The following PRUNE2 variants were observed in gnomAD, a reference collection of about 807,000 sequenced individuals.
The protein encoded by PRUNE2 is protein prune homolog 2.
A neutral mutation model predicts 252.0 loss-of-function variants in PRUNE2; 164 were observed. The ratio of observed to expected loss-of-function variants is 0.65; its 90% confidence interval spans 0.57 to 0.74. The LOEUF is 0.74. Among genes scored for constraint, PRUNE2 ranks in the 30% least tolerant of loss-of-function variants. The pLI is 0.00. For missense variants in PRUNE2, 3,495 were observed against 3,711.0 expected (o/e 0.94, Z 1.51); for synonymous variants, 1,292 against 1,350.2 (o/e 0.96, Z 0.94).
chr9:76,793,342 A>G (rs1456970092), intron 6 of PRUNE2, among the ~76,000 whole-genome samples: 1 of 152,264 alleles, frequency 6.6e-6, no homozygotes, highest in Non-Finnish European at 1.5e-5. Context: ...TTTACAAGCA[A>G]AAGTTGTAAA....
intron 6 of PRUNE2, among the ~76,000 whole-genome samples, chr9:76,790,260 A>G (rs533512887): frequency 1.3e-5 from 2 of 152,214 alleles, no homozygotes; most frequent in African/African-American, 2.4e-5. Context: ...TTGTGTCCCA[A>G]CAATTCCCAT....
At chr9:76,730,797 G>A (rs1259945985) in intron 6 of PRUNE2, among the ~76,000 whole-genome samples, 1 of 152,162 alleles carries the variant, frequency 6.6e-6, no homozygotes, top group African/African-American at 2.4e-5. Context: ...CAGCTATTCG[G>A]GAGGCTGAGG....
At chr9:76,694,746 T>C (rs2045214474) in intron 9 of PRUNE2, among the ~76,000 whole-genome samples, 1 of 138,280 alleles carries the variant, frequency 7.2e-6, no homozygotes. Context: ...TTATTCATTA[T>C]ACAAAGGCAG....
intron 6 of PRUNE2, among the ~76,000 whole-genome samples, chr9:76,718,767 T>C (rs1427904886): frequency 6.6e-6 from 1 of 152,092 alleles, no homozygotes; most frequent in African/African-American, 2.4e-5. Context: ...TACATGCACA[T>C]GAGATCTGCA....
intron 3 of PRUNE2, among the ~76,000 whole-genome samples, chr9:76,848,185 A>G (rs950010505): frequency 1.2e-4 from 19 of 152,160 alleles, no homozygotes; most frequent in Admixed American, 9.8e-4. Flanking sequence ...AATCGCCTGA[A>G]CCTCGGAGAT....
intron 12 of PRUNE2, among the ~76,000 whole-genome samples, chr9:76,639,420 G>A (rs938807305): frequency 6.6e-6 from 1 of 152,190 alleles, no homozygotes; most frequent in African/African-American, 2.4e-5. Flanking sequence ...AAGCCTGCGA[G>A]GCAGAGGTTG....
Position 76,852,956 on chromosome 9 carries a change from C to T in PRUNE2, c.141+1148G>A, listed in dbSNP as rs765482753. Among the ~76,000 whole-genome samples the T allele has an allele frequency of 3.9e-5, 6 of 152,056 alleles. No individual in the cohort carries two copies. The South Asian group carries it at 8.3e-4, about 21-fold the overall frequency. On this transcript the variant is annotated intron_variant, in intron 2 of 18. Transcript: ENST00000376718. ...TATTGTTATATCATTTTGAAGTCCA[C>T]GCCACTATCACTCTAAACATCAGTC...
At chr9:76,669,163 C>T (rs2040812737) in intron 9 of PRUNE2, among the ~76,000 whole-genome samples, 1 of 151,926 alleles carries the variant, frequency 6.6e-6, no homozygotes, top group Non-Finnish European at 1.5e-5. Flanking sequence ...TGGGATATTA[C>T]AAAATGACTC....
intron 4 of PRUNE2, among the ~76,000 whole-genome samples, chr9:76,837,753 A>G (rs992237538): frequency 6.7e-6 from 1 of 149,610 alleles, no homozygotes; most frequent in Non-Finnish European, 1.5e-5. Flanking sequence ...GCTCGTATCC[A>G]AAGTTTCAAA....
intron 9 of PRUNE2, 107 bp downstream of exon 9, chr9:76,703,230 G>A (rs961975735): frequency 2.6e-5 from 25 of 961,036 alleles, no homozygotes; most frequent in Non-Finnish European, 3.5e-5. Context: ...TATAAGCAAA[G>A]CTGCTATCAT....
In PRUNE2 at chr9:76,655,516, A is replaced by G; in HGVS notation, c.8277-14T>C. 6.2e-7 allele frequency: 1 copy of G among 1,602,758 alleles called. No homozygotes were observed. The stretch of plus-strand genomic sequence containing the variant: ...TCTGACAGTAGTCTGCAAAAAAAGC[A>G]AAGCAAAGCGCGTCAACAACAACTG... On this transcript the variant is annotated splice_polypyrimidine_tract_variant and intron_variant, in intron 9 of 18. Transcript: ENST00000376718.
rs141714232 is a variant in PRUNE2, at chr9:76,704,256, G to A, written c.7514-157C>T. ...ATTCATTCATTTGAGACAGAGTCCC[G>A]CTCTGTCACCCAGGATAGAGTGCAA... On this transcript the variant is annotated intron_variant, in intron 8 of 18. Coordinates refer to ENST00000376718, the MANE Select transcript of PRUNE2 (RefSeq NM_015225.3). Among the ~76,000 whole-genome samples, 157 of 151,876 alleles carry A rather than the reference G, an allele frequency of 1.0e-3. 1 individual carries two copies. The highest frequency in any genetic ancestry group is 3.4e-3 in the African/African-American group (141 of 41,382).
chr9:76,836,853 AACACAAGC>A (rs1457269647), intron 4 of PRUNE2, among the ~76,000 whole-genome samples: 1 of 152,176 alleles, frequency 6.6e-6, no homozygotes, highest in Non-Finnish European at 1.5e-5. Flanking sequence ...TTATTAGAAA[AACACAAGC>A]ACGTTATTTC....
intron 1 of PRUNE2, among the ~76,000 whole-genome samples, chr9:76,870,186 T>A (rs1353206077): frequency 3.3e-5 from 5 of 152,008 alleles, no homozygotes; most frequent in African/African-American, 1.2e-4. Context: ...ATGCATCGGA[T>A]CACCCAAATC....
intron 9 of PRUNE2, chr9:76,692,993 C>T (rs561462774): frequency 2.2e-5 from 3 of 134,252 alleles, no homozygotes; most frequent in Non-Finnish European, 4.6e-5. Context: ...CCCCCTCCCC[C>T]CCTCCAAAAA....
At chr9:76,638,132 C>G (rs1291233767) in intron 13 of PRUNE2, 54 bp downstream of exon 13, 8 of 1,078,480 alleles carry the variant, frequency 7.4e-6, no homozygotes, top group Non-Finnish European at 1.1e-5. Flanking sequence ...GCTCTATCTG[C>G]CATTACATGC....
Position 76,619,241 on chromosome 9 carries a change from TAA to T in PRUNE2, c.9236+97_9236+98del, listed in dbSNP as rs550887876. 1,579 of 772,948 alleles carry T rather than the reference TAA, an allele frequency of 2.0e-3. 4 individuals carry two copies. The highest frequency in any genetic ancestry group is 3.0e-3 in the Non-Finnish European group (1,362 of 457,390). 47.9% of individuals were successfully genotyped at this position (772,948 alleles called of 1,614,324 possible). A position where few individuals can be genotyped will look rare whatever the true frequency, so the allele number is the denominator to read the frequency against. On this transcript the variant is annotated intron_variant, in intron 18 of 18. Coordinates refer to ENST00000376718, the MANE Select transcript of PRUNE2 (RefSeq NM_015225.3). ...ATGGAGCACAGGAAAGCTGAACATC[TAA>T]ACAGGGTTTACCCAGTCCTCAGTGT...
At chr9:76,671,519 C>T (rs1273514002) in intron 9 of PRUNE2, among the ~76,000 whole-genome samples, 2 of 152,116 alleles carry the variant, frequency 1.3e-5, no homozygotes, top group Non-Finnish European at 2.9e-5. Flanking sequence ...TCTAGCAAGG[C>T]AGGCCAATGT....
intron 4 of PRUNE2, among the ~76,000 whole-genome samples, chr9:76,837,441 AAATAATAATAAT>A (rs57793891): frequency 1.9e-4 from 25 of 134,832 alleles, no homozygotes; most frequent in East Asian, 1.2e-3. Context: ...ACTCTGTCTC[AAATAATAATAAT>A]AATAATAATA....
Sources: allele counts gnomAD v4.1 joint callset (sites outside exome capture counted in the v4.1 genomes callset), GRCh38; gene constraint gnomAD v4.1.1; transcripts MANE v1.5; gene names NCBI Gene and HGNC (gene_info 2026-07-23, HGNC 2026-07-21).